Variants in STAG1 observed in about 807,000 individuals in gnomAD.
STAG1 encodes cohesin subunit SA-1.
Under a neutral mutation model 170.9 loss-of-function variants are expected in STAG1, and 26 were observed. The ratio of observed to expected loss-of-function variants is 0.15; its 90% CI spans 0.11 to 0.21. The LOEUF is 0.21. STAG1 is among the 10% of genes least tolerant of loss of function. STAG1 has a pLI of 1.00. For synonymous variants in STAG1, 514 were observed against 497.7 expected, an observed-to-expected ratio of 1.03 and a Z score of -0.44; for missense variants, 964 against 1,509.5, an observed-to-expected ratio of 0.64 and a Z score of 5.99.
At chr3:136,712,261 C>T (rs1176057109) in intron 1 of STAG1, among the ~76,000 whole-genome samples, 1 of 152,142 alleles carries the variant, frequency 6.6e-6, no homozygotes, top group Non-Finnish European at 1.5e-5. Flanking sequence ...CATGATCCAA[C>T]TGCCTCGGCC....
chr3:136,571,294 C>T (rs1019718237), intron 4 of STAG1, among the ~76,000 whole-genome samples: 3 of 152,130 alleles, frequency 2.0e-5, no homozygotes, highest in Admixed American at 1.3e-4. Context: ...TTGGTCTGAG[C>T]GTGGTGGCGC....
chr3:136,621,206 T>C (rs1359982625), intron 3 of STAG1, among the ~76,000 whole-genome samples: 1 of 152,140 alleles, frequency 6.6e-6, no homozygotes, highest in South Asian at 2.1e-4. Flanking sequence ...TAACGAATTA[T>C]ACAATAGCCT....
At chr3:136,465,362 G>C (rs1330745240) in intron 12 of STAG1, among the ~76,000 whole-genome samples, 2 of 150,980 alleles carry the variant, frequency 1.3e-5, no homozygotes, top group Non-Finnish European at 2.9e-5. Flanking sequence ...TGAGATTACA[G>C]GTGCCCAACA....
chr3:136,559,418 T>C (rs924792681), intron 5 of STAG1, among the ~76,000 whole-genome samples: 1 of 152,062 alleles, frequency 6.6e-6, no homozygotes, highest in African/African-American at 2.4e-5. Flanking sequence ...ATAAAGAGTA[T>C]GTTATCTAGC....
chr3:136,404,847 A>T (rs2087429701), intron 21 of STAG1, among the ~76,000 whole-genome samples: 1 of 144,418 alleles, frequency 6.9e-6, no homozygotes, highest in South Asian at 2.4e-4. Context: ...ATAGTAAGGA[A>T]AATAATTATG....
intron 4 of STAG1, among the ~76,000 whole-genome samples, chr3:136,573,115 G>A (rs1168784069): frequency 6.6e-6 from 1 of 151,818 alleles, no homozygotes; most frequent in Non-Finnish European, 1.5e-5. Context: ...GGAGTTTAAG[G>A]TTGCAATGAA....
intron 22 of STAG1, among the ~76,000 whole-genome samples, chr3:136,397,343 A>C (rs1177054432): frequency 1.3e-5 from 2 of 152,172 alleles, no homozygotes; most frequent in Non-Finnish European, 2.9e-5. Context: ...TTACTTGTGG[A>C]AAATTCTTTA....
chr3:136,462,091 T>C (rs1032205995), intron 13 of STAG1, among the ~76,000 whole-genome samples: 30 of 152,146 alleles, frequency 2.0e-4, no homozygotes, highest in African/African-American at 6.5e-4. Flanking sequence ...TAGTACACTG[T>C]TGGTGGGAAT....
intron 1 of STAG1, among the ~76,000 whole-genome samples, chr3:136,718,795 G>A (rs1361044188): frequency 6.6e-6 from 1 of 151,866 alleles, no homozygotes; most frequent in Non-Finnish European, 1.5e-5. Flanking sequence ...AGTGTGGTGG[G>A]GGGGGCCTGT....
At chr3:136,709,838 C>G (rs1943335760) in intron 1 of STAG1, among the ~76,000 whole-genome samples, 2 of 151,716 alleles carry the variant, frequency 1.3e-5, no homozygotes, top group African/African-American at 4.8e-5. Flanking sequence ...AGTTGGAGAC[C>G]AGCCTGGCCA....
intron 1 of STAG1, among the ~76,000 whole-genome samples, chr3:136,700,360 T>C (rs1943017651): frequency 6.6e-6 from 1 of 151,618 alleles, no homozygotes; most frequent in Admixed American, 6.6e-5. Context: ...ATTTAATCTT[T>C]TAAACTCATT....
At chr3:136,431,245 C>T (rs778613563) in intron 16 of STAG1, among the ~76,000 whole-genome samples, 4 of 151,984 alleles carry the variant, frequency 2.6e-5, no homozygotes, top group South Asian at 4.2e-4. Context: ...TTTGTTTTAT[C>T]ACCTTATGAT....
intron 22 of STAG1, among the ~76,000 whole-genome samples, chr3:136,396,362 C>T (rs551482486): frequency 5.3e-5 from 8 of 151,526 alleles, no homozygotes; most frequent in South Asian, 2.1e-4. Flanking sequence ...GGACTACAGG[C>T]GCCTGCCACC....
intron 4 of STAG1, among the ~76,000 whole-genome samples, chr3:136,595,694 A>G (rs1938393213): frequency 6.8e-6 from 1 of 146,984 alleles, no homozygotes; most frequent in Non-Finnish European, 1.5e-5. Context: ...AAATAAATAA[A>G]TAAATAAATA....
chr3:136,669,994 A>T (rs1477297965), intron 1 of STAG1, among the ~76,000 whole-genome samples: 1 of 152,260 alleles, frequency 6.6e-6, no homozygotes, highest in African/African-American at 2.4e-5. Context: ...GTTTTCAGGA[A>T]ATTTTCAATG....
intron 8 of STAG1, among the ~76,000 whole-genome samples, chr3:136,500,506 T>C (rs1219951327): frequency 6.6e-6 from 1 of 152,206 alleles, no homozygotes. Context: ...ACTGTCTCTC[T>C]CTAGACACAA....
At chr3:136,606,500 C>A (rs942958107) in intron 3 of STAG1, among the ~76,000 whole-genome samples, 4 of 152,114 alleles carry the variant, frequency 2.6e-5, no homozygotes, top group Non-Finnish European at 5.9e-5. Context: ...ATTTTTCTTA[C>A]TTCTTGCCTA....
chr3:136,512,096 TAAA>T (rs35238532), intron 7 of STAG1, among the ~76,000 whole-genome samples: 4 of 68,300 alleles, frequency 5.9e-5, no homozygotes, highest in African/African-American at 1.3e-4. Flanking sequence ...CTCTACAAAA[TAAA>T]AAAAAAAAAA....
chr3:136,548,475 C>A (rs1337014346), intron 5 of STAG1, among the ~76,000 whole-genome samples: 1 of 152,072 alleles, frequency 6.6e-6, no homozygotes, highest in Non-Finnish European at 1.5e-5. Flanking sequence ...GTGCTTCCAG[C>A]TTTGTTCTTC....
Sources: allele counts gnomAD v4.1 joint callset (sites outside exome capture counted in the v4.1 genomes callset), GRCh38; gene constraint gnomAD v4.1.1; transcripts MANE v1.5; gene names NCBI Gene and HGNC (gene_info 2026-07-23, HGNC 2026-07-21).